The following FLG variants were observed in gnomAD, a reference collection of about 807,000 sequenced individuals.
FLG encodes epidermal filaggrin.
FLG carries 6 observed loss-of-function variants against 3.8 expected under a neutral mutation model. That is an observed-to-expected ratio of 1.60 (90% CI 0.87 to 3.15). The LOEUF (loss-of-function observed/expected upper bound fraction) is 3.15. Among genes scored for constraint, FLG ranks in the 30% most tolerant of loss-of-function variants. FLG has a pLI of 0.00. For synonymous variants in FLG, 2,551 were observed against 1,931.6 expected (o/e 1.32, Z -8.41); for missense variants, 7,595 against 5,050.9 (o/e 1.50, Z -15.27).
In FLG at chr1:152,307,528, G is replaced by C. The variant is rs1388479165; in HGVS notation, c.7358C>G (p.Ser2453Ter). 27 of 1,613,600 alleles carry C rather than the reference G, an allele frequency of 1.7e-5. No homozygotes were observed. Among genetic ancestry groups the C allele is most frequent in the Non-Finnish European group, 2.2e-5 (26 of 1,179,944 alleles). ...GGTGTCCTGACCCTCTTGGGACGTTGAGTGCCTGGAGCTGTCTCGTGCCTG... is the reference window on the plus strand; with the variant it reads ...GGTGTCCTGACCCTCTTGGGACGTTCAGTGCCTGGAGCTGTCTCGTGCCTG... The part of the protein sequence containing the change: ...HKQARDSSRH[S>*]TSQEGQDTIH... The change falls in exon 3 of 3, where the codon TCA becomes TGA. Residue 2453 changes from serine to a stop codon, truncating the protein, a stop_gained. Transcript: ENST00000368799. LOFTEE classifies it low-confidence loss of function (END_TRUNC).
rs372914204 is a variant in FLG, at chr1:152,310,186, C to T, written c.4700G>A (p.Arg1567Gln). 63 of 1,613,828 alleles carry T rather than the reference C, an allele frequency of 3.9e-5. No homozygotes were observed. In the East Asian group the frequency reaches 4.0e-4, roughly 10 times the overall value. Residue 1567 changes from arginine to glutamine, a missense_variant, in exon 3 of 3, where the codon CGG becomes CAG. Transcript: ENST00000368799. ...CTGTGAGTGTCTAGAGCTGCCGGCC[C>T]GAGTGGAAGGTTCATGGTGACGTGA... ...SGSRHHEPSTRAGSSRHSQVG... is the reference protein window; with the variant it reads ...SGSRHHEPSTQAGSSRHSQVG...
At chr1:152,318,128 C>G (rs926084613) in intron 1 of FLG, among the ~76,000 whole-genome samples, 2 of 151,926 alleles carry the variant, frequency 1.3e-5, no homozygotes, top group Non-Finnish European at 2.9e-5. Context: ...CCACCCTCCC[C>G]CAACATTTCT....
Position 152,310,234 on chromosome 1 carries a change from C to A in FLG, c.4652G>T (p.Gly1551Val). The A allele has an allele frequency of 6.2e-7, 1 of 1,613,840 alleles. No homozygotes were observed. Among genetic ancestry groups the A allele is most frequent in the Non-Finnish European group, 8.5e-7 (1 of 1,179,980 alleles). Residue 1551 changes from glycine to valine, a missense_variant, in exon 3 of 3, where the codon GGA (glycine) becomes GTA (valine). By Grantham distance (109) the Gly-to-Val change is moderately radical. Coordinates refer to ENST00000368799, the MANE Select transcript of FLG (RefSeq NM_002016.2). The part of the protein sequence containing the change: ...SRQTRNEEQS[G>V]DGSRHSGSRH... ...TGACCCTGAGTGCCTGGAGCCGTCT[C>A]CTGATTGTTCCTCATTTCTTGTTTG...
chr1:152,309,041 G>T lies in FLG; in HGVS notation c.5845C>A (p.Gln1949Lys), dbSNP rs143290834. ...GGGTGTCTGGAGCCATCTCTTGACT[G>T]CTCCCAAGCAGATCCAAGATGGTTT... is the stretch of plus-strand genomic sequence containing the variant. ...SRNHLGSAWE[Q>K]SRDGSRHPGS... The change falls in exon 3 of 3, where the codon CAG becomes AAG. Residue 1949 changes from glutamine to lysine, a missense_variant. Coordinates refer to ENST00000368799, the MANE Select transcript of FLG (RefSeq NM_002016.2). 4.3e-6 allele frequency: 7 copies of T among 1,614,126 alleles called. No individual in the cohort carries two copies. The highest frequency in any genetic ancestry group is 1.1e-5 in the South Asian group (1 of 91,082).
At chr1:152,315,244 C>T in intron 2 of FLG, 75 bp downstream of exon 2, 2 of 1,378,746 alleles carry the variant, frequency 1.5e-6, no homozygotes, top group Non-Finnish European at 2.0e-6. Context: ...TCACAAAGAG[C>T]TCAAAATAAC....
Position 152,312,414 on chromosome 1 carries a change from C to T in FLG, c.2472G>A (p.Gln824=). Residue 824 remains glutamine, a synonymous_variant, in exon 3 of 3, where the codon CAG becomes CAA. Transcript: ENST00000368799. ...CTGAGTGCCTGGAGTTGTCTCGTGCCTGCTCATGGTGGGATCCTTGTCTTA... is the reference window on the plus strand; with the variant it reads ...CTGAGTGCCTGGAGTTGTCTCGTGCTTGCTCATGGTGGGATCCTTGTCTTA... ...TGVRQGSHHE[Q]ARDNSRHSAS... 6.2e-7 allele frequency: 1 copy of T among 1,613,444 alleles called. No homozygotes were observed. The highest frequency in any genetic ancestry group is 8.5e-7 in the Non-Finnish European group (1 of 1,179,828).
chr1:152,309,923 T>G lies in FLG; in HGVS notation c.4963A>C (p.Thr1655Pro). Reference protein sequence around the residue: ...HSAESSRQSGTRHAETSSGGQ... With the variant: ...HSAESSRQSGPRHAETSSGGQ... ...CCAGAGGAAGTCTCTGCATGACGAGTGCCTGATTGTCTGGAGCTCTCTGCA... is the reference window on the plus strand; with the variant it reads ...CCAGAGGAAGTCTCTGCATGACGAGGGCCTGATTGTCTGGAGCTCTCTGCA... Residue 1655 changes from threonine to proline, a missense_variant, in exon 3 of 3, where the codon ACT becomes CCT. By Grantham distance (38) the Thr-to-Pro change is conservative. Transcript: ENST00000368799. 4 of 1,614,086 alleles carry G rather than the reference T, an allele frequency of 2.5e-6. No individual in the cohort carries two copies. The highest frequency in any genetic ancestry group is 2.5e-6 in the Non-Finnish European group (3 of 1,180,026).
At position 152,309,755 on chromosome 1, in the gene FLG, T is replaced by G. The variant is rs757161507; in HGVS notation, c.5131A>C (p.Asn1711His). The change falls in exon 3 of 3, where the codon AAC becomes CAC. Residue 1711 changes from asparagine (N) to histidine (H), a missense_variant. Coordinates refer to ENST00000368799, the MANE Select transcript of FLG (RefSeq NM_002016.2). ...GCCTGGCTACCACTGGACCCTCGGT[T>G]TCCACTGTCTCCGACTACAGATGAA... The part of the protein sequence containing the change: ...QDSSVVGDSG[N>H]RGSSGSQASD... 38 of 1,613,854 alleles carry G rather than the reference T, an allele frequency of 2.4e-5. No homozygotes were observed. The highest frequency in any genetic ancestry group is 4.5e-5 in the East Asian group (2 of 44,804).
In FLG at chr1:152,308,285, C is replaced by G. The variant is rs767185828; in HGVS notation, c.6601G>C (p.Asp2201His). The change falls in exon 3 of 3, where the codon GAT (aspartate) becomes CAT (histidine). Residue 2201 changes from aspartate (D) to histidine (H), a missense_variant. Coordinates refer to ENST00000368799, the MANE Select transcript of FLG (RefSeq NM_002016.2). ...RKTYDKEQSG[D>H]GSRHSGSHHH... is the part of the protein sequence containing the mutation. Reference sequence around the variant, plus strand: ...TGCGACCCTGAGTGCCTAGAGCCATCTCCTGATTGTTCCTTGTCATATGTT... The same window carrying G: ...TGCGACCCTGAGTGCCTAGAGCCATGTCCTGATTGTTCCTTGTCATATGTT... 1.9e-6 allele frequency: 3 copies of G among 1,613,458 alleles called. No homozygotes were observed. The highest frequency in any genetic ancestry group is 1.7e-6 in the Non-Finnish European group (2 of 1,179,618).
Position 152,312,648 on chromosome 1 carries a change from CT to C in FLG, c.2237del (p.Gln746ArgfsTer52). ...DSGHRGSSGSQATDSEGHSED... is the reference protein window; with the variant it reads ...DSGHRGSSGSXATDSEGHSED... ...CTGAATGTCCCTCACTGTCAGTGGC[CT>C]GACTACCACTGGACCCTCGGTGTCC... is the stretch of plus-strand genomic sequence containing the variant. On this transcript the variant is annotated frameshift_variant, in exon 3 of 3. Coordinates refer to ENST00000368799, the MANE Select transcript of FLG (RefSeq NM_002016.2). LOFTEE classifies it low-confidence loss of function (END_TRUNC). The C allele has an allele frequency of 6.2e-7, 1 of 1,613,920 alleles. No homozygotes were observed. The highest frequency in any genetic ancestry group is 2.2e-5 in the East Asian group (1 of 44,846).
At position 152,307,657 on chromosome 1, in the gene FLG, C is replaced by G. The variant is rs201701803; in HGVS notation, c.7229G>C (p.Arg2410Pro). 3 of 1,613,274 alleles carry G rather than the reference C, an allele frequency of 1.9e-6. No homozygotes were observed. The highest frequency in any genetic ancestry group is 1.1e-5 in the South Asian group (1 of 91,018). The change falls in exon 3 of 3, where the codon CGT becomes CCT. Residue 2410 changes from arginine to proline, a missense_variant. Physicochemically the swap from Arg to Pro is moderately radical, Grantham distance 103. Transcript: ENST00000368799. ...TRGRSAGRSG[R>P]SGSFLYQVST... ...CACCTGGTAGAGGAAAGACCCTGAA[C>G]GTCCAGACCTTCCTGCTGACCGGCC...
At position 152,312,616 on chromosome 1, in the gene FLG, G is replaced by C. The variant is rs766890885; in HGVS notation, c.2270C>G (p.Ser757Ter). 11 of 1,613,672 alleles carry C rather than the reference G, an allele frequency of 6.8e-6. No individual in the cohort carries two copies. The highest frequency in any genetic ancestry group is 1.6e-4 in the Middle Eastern group (1 of 6,084). Residue 757 changes from serine to a stop codon, truncating the protein, a stop_gained, in exon 3 of 3, where the codon TCA (serine) becomes TGA (stop). Coordinates refer to ENST00000368799, the MANE Select transcript of FLG (RefSeq NM_002016.2). LOFTEE classifies it low-confidence loss of function (END_TRUNC). ...ATDSEGHSED[S>*]DTQSVSGHGQ... ...ATGGCCTGACACTGACTGTGTGTCT[G>C]AGTCTTCTGAATGTCCCTCACTGTC...
rs539214986 is a variant in FLG, at chr1:152,307,208, T to C, written c.7678A>G (p.Ser2560Gly). 1.2e-6 allele frequency: 2 copies of C among 1,612,878 alleles called. No homozygotes were observed. The highest frequency in any genetic ancestry group is 1.7e-6 in the Non-Finnish European group (2 of 1,180,000). The change falls in exon 3 of 3, where the codon AGC becomes GGC. Residue 2560 changes from serine (S) to glycine (G), a missense_variant. By Grantham distance (56) the Ser-to-Gly change is moderately conservative. Transcript: ENST00000368799. ...GQGQSEGPRT[S>G]RNWGSSFSQD... Reference sequence around the variant, plus strand: ...CTAAAACTGGATCCCCAGTTCCTGCTTGTCCTGGGCCCCTCTGATTGTCCC... The same window carrying C: ...CTAAAACTGGATCCCCAGTTCCTGCCTGTCCTGGGCCCCTCTGATTGTCCC...
In FLG at chr1:152,303,434, G is replaced by T. The variant is rs148606936; in HGVS notation, c.11452C>A (p.Gln3818Lys). The T allele has an allele frequency of 3.1e-6, 5 of 1,613,978 alleles. No homozygotes were observed. The South Asian group carries it at 5.5e-5, about 18-fold the overall frequency. ...GAGTGCCTGGAGCCGTCTCCTGACT[G>T]TTCCTCATTACGTGTTTCTCTGCTT... ...SASRETRNEE[Q>K]SGDGSRHSGS... The change falls in exon 3 of 3, where the codon CAG (glutamine) becomes AAG (lysine). Residue 3818 changes from glutamine (Q) to lysine (K), a missense_variant. Transcript: ENST00000368799.
At position 152,303,545 on chromosome 1, in the gene FLG, A is replaced by C. The variant is rs1273459105; in HGVS notation, c.11341T>G (p.Ser3781Ala). 6.2e-7 allele frequency: 1 copy of C among 1,613,594 alleles called. No individual in the cohort carries two copies. Residue 3781 changes from serine (S) to alanine (A), a missense_variant, in exon 3 of 3, where the codon TCT becomes GCT. By Grantham distance (99) the Ser-to-Ala change is moderately conservative (BLOSUM62 1). Coordinates refer to ENST00000368799, the MANE Select transcript of FLG (RefSeq NM_002016.2). ...GSYHEQSVDR[S>A]GHSGSHHSHT... ...CTGTGATGGGACCCTGAGTGTCCAG[A>C]CCTATCTACCGATTGCTCGTGGTAG...
In FLG at chr1:152,309,504, G is replaced by C. The variant is rs753803059; in HGVS notation, c.5382C>G (p.His1794Gln). 5 of 1,613,600 alleles carry C rather than the reference G, an allele frequency of 3.1e-6. No homozygotes were observed. Among genetic ancestry groups the C allele is most frequent in the East Asian group, 4.5e-5 (2 of 44,806 alleles). Reference sequence around the variant, plus strand: ...GCCTGGAGCTGTCTCGTGCCTGCTCGTGGCGGGATCTTTGTCTTCCTCCAG... The same window carrying C: ...GCCTGGAGCTGTCTCGTGCCTGCTCCTGGCGGGATCTTTGTCTTCCTCCAG... ...PSTGGRQRSR[H>Q]EQARDSSRHS... is the part of the protein sequence containing the mutation. Residue 1794 changes from histidine to glutamine, a missense_variant, in exon 3 of 3, where the codon CAC (histidine) becomes CAG (glutamine). Transcript: ENST00000368799.
chr1:152,317,822 A>C (rs1442935061), intron 1 of FLG, among the ~76,000 whole-genome samples: 1 of 151,992 alleles, frequency 6.6e-6, no homozygotes, highest in Admixed American at 6.6e-5. Context: ...TTCAAAACAG[A>C]AGTCTTGATT....
chr1:152,313,295 G>A lies in FLG; in HGVS notation c.1591C>T (p.His531Tyr), dbSNP rs780619446. 3.1e-6 allele frequency: 5 copies of A among 1,613,636 alleles called. No homozygotes were observed. Among genetic ancestry groups the A allele is most frequent in the Non-Finnish European group, 4.2e-6 (5 of 1,179,980 alleles). Residue 531 changes from histidine (H) to tyrosine (Y), a missense_variant, in exon 3 of 3, where the codon CAC becomes TAC. His to Tyr is a moderately conservative substitution (Grantham distance 83). Coordinates refer to ENST00000368799, the MANE Select transcript of FLG (RefSeq NM_002016.2). The stretch of plus-strand genomic sequence containing the variant: ...GACCTATTTACCGATTGCTCGTGGT[G>A]GGATCCCTGCCTTCCTCCTCTGCTT... ...GSSRGGRQGS[H>Y]HEQSVNRSGH...
At position 152,313,872 on chromosome 1, in the gene FLG, G is replaced by A; in HGVS notation, c.1014C>T (p.Ser338=). 3 of 1,613,906 alleles carry A rather than the reference G, an allele frequency of 1.9e-6. No homozygotes were observed. Among genetic ancestry groups the A allele is most frequent in the Non-Finnish European group, 1.7e-6 (2 of 1,179,932 alleles). The change falls in exon 3 of 3, where the codon TCC becomes TCT. Residue 338 remains serine, a synonymous_variant. Transcript: ENST00000368799. ...CATGACTGGCTCTGTCTTCATCATG[G>A]GACCTGGGGTGTCTGGAGCCATCTC... ...QSRDGSRHPR[S]HDEDRASHGH...
Sources: gnomAD v4.1 joint callset for allele counts (sites outside exome capture counted in the v4.1 genomes callset) on GRCh38, gnomAD v4.1.1 for gene constraint, MANE v1.5 for transcripts, NCBI Gene and HGNC (gene_info 2026-07-23, HGNC 2026-07-21) for gene names.